Variants in BCAS1 observed in about 807,000 individuals in gnomAD.
BCAS1 encodes breast carcinoma-amplified sequence 1.
In BCAS1, 46 loss-of-function variants were observed where a neutral mutation model predicts 65.4. That is an observed-to-expected ratio of 0.70 (90% confidence interval 0.55 to 0.90). BCAS1 has a LOEUF of 0.90. Among genes scored for constraint, BCAS1 ranks in the 40% least tolerant of loss-of-function variants. BCAS1 has a pLI of 0.00. For synonymous variants in BCAS1, 298 were observed against 293.5 expected, an observed-to-expected ratio of 1.02 and a Z score of -0.16; for missense variants, 793 against 771.2, an observed-to-expected ratio of 1.03 and a Z score of -0.33.
intron 6 of BCAS1, 92 bp downstream of exon 6, chr20:53,994,920 T>A: frequency 1.1e-6 from 1 of 937,932 alleles, no homozygotes; most frequent in Non-Finnish European, 1.6e-6. Flanking sequence ...CACACACATA[T>A]ATGTATTCAA....
In BCAS1 at chr20:53,996,018, T is replaced by C; in HGVS notation, c.756A>G (p.Gln252=). ...DIVDGKEKEG[Q]ELGTADCSVP... is the part of the protein sequence containing the mutation. ...CAGAGCAATCCGCAGTTCCAAGTTC[T>C]TGTCCTTCTTTTTCCTTGCCGTCAA... is the stretch of plus-strand genomic sequence containing the variant. Residue 252 remains glutamine, a synonymous_variant, in exon 5 of 13, where the codon CAA becomes CAG. Coordinates refer to ENST00000688948, the MANE Select transcript of BCAS1 (RefSeq NM_001366298.2). 1 of 1,607,862 alleles carries C rather than the reference T, an allele frequency of 6.2e-7. No homozygotes were observed. The highest frequency in any genetic ancestry group is 8.5e-7 in the Non-Finnish European group (1 of 1,177,196).
chr20:54,048,645 T>G (rs749938313), intron 3 of BCAS1, among the ~76,000 whole-genome samples: 1 of 152,232 alleles, frequency 6.6e-6, no homozygotes, highest in Non-Finnish European at 1.5e-5. Context: ...GGTGTTTTGA[T>G]GAGGCTGTCA....
chr20:54,047,466 C>A (rs1203627860), intron 3 of BCAS1, among the ~76,000 whole-genome samples: 2 of 152,214 alleles, frequency 1.3e-5, no homozygotes, highest in African/African-American at 2.4e-5. Flanking sequence ...AACAGGAATT[C>A]TCCACTAGAC....
In BCAS1 at chr20:53,952,796, C is replaced by T. The variant is rs1490437791; in HGVS notation, c.1815+636G>A. On this transcript the variant is annotated intron_variant, in intron 12 of 12. Coordinates refer to ENST00000688948, the MANE Select transcript of BCAS1 (RefSeq NM_001366298.2). ...CCAATCAGATAAGTTTTCTACTTTG[C>T]TTCCATGTTTGGCCTATAAAATCTT... is the stretch of plus-strand genomic sequence containing the variant. Among the ~76,000 whole-genome samples the T allele has an allele frequency of 2.0e-5, 3 of 152,324 alleles. No homozygotes were observed. The East Asian group carries it at 5.8e-4, about 29-fold the overall frequency.
intron 12 of BCAS1, among the ~76,000 whole-genome samples, chr20:53,949,915 A>G (rs776229003): frequency 1.3e-5 from 2 of 152,064 alleles, no homozygotes; most frequent in African/African-American, 2.4e-5. Flanking sequence ...AGTGTCTCAA[A>G]CCTGTCCACT....
At chr20:53,964,629 T>C (rs780946997) in intron 10 of BCAS1, among the ~76,000 whole-genome samples, 29 of 152,192 alleles carry the variant, frequency 1.9e-4, no homozygotes, top group Admixed American at 1.2e-3. Context: ...CAAAGGACGC[T>C]TTTCTTTTCA....
At chr20:53,983,699 C>A (rs543625277) in intron 8 of BCAS1, among the ~76,000 whole-genome samples, 1 of 152,180 alleles carries the variant, frequency 6.6e-6, no homozygotes, top group Admixed American at 6.5e-5. Context: ...CCATTCATTC[C>A]GGTCCAGTGT....
chr20:53,954,204 G>C (rs1426757329), intron 11 of BCAS1, among the ~76,000 whole-genome samples: 1 of 151,938 alleles, frequency 6.6e-6, no homozygotes, highest in Non-Finnish European at 1.5e-5. Context: ...CTGTGAAAAT[G>C]TAAGACTGGA....
At chr20:53,953,357 T>C (rs766431473) in intron 12 of BCAS1, 75 bp downstream of exon 12, 16 of 1,567,168 alleles carry the variant, frequency 1.0e-5, no homozygotes, top group Non-Finnish European at 1.4e-5. Flanking sequence ...ATGTAGAATT[T>C]GAAAAACTGA....
chr20:54,046,272 G>A (rs1213204926), intron 3 of BCAS1, among the ~76,000 whole-genome samples: 2 of 152,180 alleles, frequency 1.3e-5, no homozygotes, highest in African/African-American at 4.8e-5. Context: ...GCTCATGCCT[G>A]TAATCCCAGC....
intron 1 of BCAS1, among the ~76,000 whole-genome samples, chr20:54,070,189 C>T (rs141517078): frequency 1.1e-4 from 16 of 152,296 alleles, no homozygotes; most frequent in African/African-American, 2.6e-4. Flanking sequence ...TGTGGCTATG[C>T]GCCTAACACT....
intron 8 of BCAS1, among the ~76,000 whole-genome samples, chr20:53,978,527 T>C (rs922704229): frequency 2.0e-5 from 3 of 152,172 alleles, no homozygotes; most frequent in African/African-American, 7.2e-5. Context: ...AGCAGGTGTT[T>C]GTACAGTAAT....
intron 3 of BCAS1, among the ~76,000 whole-genome samples, chr20:54,035,343 C>G (rs6127066): frequency 1.4e-5 from 2 of 142,866 alleles, no homozygotes; most frequent in African/African-American, 2.6e-5. Flanking sequence ...AGAGCTTGCA[C>G]TGAGCCGAGA....
chr20:53,967,103 T>C (rs1010489028), intron 9 of BCAS1, 30 bp from the exon 10 acceptor site: 4 of 1,599,060 alleles, frequency 2.5e-6, no homozygotes, highest in Non-Finnish European at 3.4e-6. Context: ...AATAAGAAAA[T>C]GAAAAACAAA....
chr20:53,996,911 T>G (rs532986217), intron 4 of BCAS1, among the ~76,000 whole-genome samples: 1 of 152,352 alleles, frequency 6.6e-6, no homozygotes, highest in African/African-American at 2.4e-5. Flanking sequence ...CATTCCATTT[T>G]CTGGCCCACT....
rs1440840719 is a variant in BCAS1, at chr20:53,943,749, G to T, written c.*1173C>A. 1.3e-5 allele frequency: 2 copies of T among 152,076 alleles called. No individual in the cohort carries two copies. Among genetic ancestry groups the T allele is most frequent in the Admixed American group, 1.3e-4 (2 of 15,268 alleles). The allele number at this position is 152,076 out of a possible 1,614,324, so 9.4% of individuals were successfully genotyped here. A position where few individuals can be genotyped will look rare whatever the true frequency, so the allele number is the denominator to read the frequency against. On this transcript the variant is annotated 3_prime_UTR_variant, in exon 13 of 13. Coordinates refer to ENST00000688948, the MANE Select transcript of BCAS1 (RefSeq NM_001366298.2). The stretch of plus-strand genomic sequence containing the variant: ...AGGTTATGGGGAGGGTTTTATCAGA[G>T]CACATCCTGAGAACATTAGGAATGA...
intron 4 of BCAS1, among the ~76,000 whole-genome samples, chr20:54,023,967 A>G (rs1287586039): frequency 5.3e-5 from 8 of 152,272 alleles, no homozygotes; most frequent in Admixed American, 3.3e-4. Context: ...GAGAAAACCC[A>G]TAATACTGGT....
chr20:54,006,187 G>T (rs2145921628), intron 4 of BCAS1, among the ~76,000 whole-genome samples: 1 of 152,312 alleles, frequency 6.6e-6, no homozygotes, highest in East Asian at 1.9e-4. Context: ...GCCCACAACG[G>T]AGAAGATATG....
chr20:53,995,298 A>G (rs1014057635), intron 5 of BCAS1, among the ~76,000 whole-genome samples: 3 of 152,216 alleles, frequency 2.0e-5, no homozygotes, highest in Non-Finnish European at 4.4e-5. Flanking sequence ...ACCACATTCA[A>G]AATTGTCTCC....
Sources: gnomAD v4.1 joint callset for allele counts (sites outside exome capture counted in the v4.1 genomes callset) on GRCh38, gnomAD v4.1.1 for gene constraint, MANE v1.5 for transcripts, NCBI Gene and HGNC (gene_info 2026-07-23, HGNC 2026-07-21) for gene names.